Variants in MAPKAPK5 observed in about 807,000 individuals in gnomAD.
MAPKAPK5 encodes the protein MAP kinase-activated protein kinase 5.
Under a neutral mutation model 65.1 loss-of-function variants are expected in MAPKAPK5, and 30 were observed. The observed-to-expected ratio is 0.46, with a 90% CI of 0.34 to 0.63. MAPKAPK5 has a LOEUF of 0.63. Among genes scored for constraint, MAPKAPK5 ranks in the 20% least tolerant of loss-of-function variants. The pLI is 0.01. For synonymous variants in MAPKAPK5, 179 were observed against 204.6 expected, an observed-to-expected ratio of 0.87 and a Z score of 1.07; for missense variants, 433 against 581.4, an observed-to-expected ratio of 0.74 and a Z score of 2.63.
At chr12:111,862,665 C>G (rs1715452076) in intron 1 of MAPKAPK5, among the ~76,000 whole-genome samples, 1 of 152,046 alleles carries the variant, frequency 6.6e-6, no homozygotes, top group Non-Finnish European at 1.5e-5. Context: ...GTGCTCCAGC[C>G]TGGGCGACAG....
chr12:111,847,319 G>T (rs145605420), intron 1 of MAPKAPK5, among the ~76,000 whole-genome samples: 2,582 of 150,854 alleles, frequency 0.017, 85 homozygotes, highest in African/African-American at 0.058. Flanking sequence ...CTGTACTCCA[G>T]CCTGGGCGAC....
In MAPKAPK5 at chr12:111,878,408, ATTATTTAT is replaced by A. The variant is rs200069361; in HGVS notation, c.580-2016_580-2009del. ...GCACCATTTGTTGTTCTATTTATTT[ATTATTTAT>A]TTATTTATTTATTTATTTATTTTGA... On this transcript the variant is annotated intron_variant, in intron 7 of 13. Coordinates refer to ENST00000550735, the MANE Select transcript of MAPKAPK5 (RefSeq NM_003668.4). 0.055 allele frequency among the ~76,000 whole-genome samples: 8,252 copies of A among 150,242 alleles called. 1,239 individuals are homozygous for A. In the East Asian group the frequency reaches 0.61, roughly 11 times the overall value.
At chr12:111,857,200 C>T (rs2069270108) in intron 1 of MAPKAPK5, among the ~76,000 whole-genome samples, 1 of 149,366 alleles carries the variant, frequency 6.7e-6, no homozygotes, top group Non-Finnish European at 1.5e-5. Flanking sequence ...TTTACCTGTT[C>T]TAGTACTTTC....
At chr12:111,888,349 T>G in intron 10 of MAPKAPK5, 139 bp from the exon 11 acceptor site, 1 of 1,254,498 alleles carries the variant, frequency 8.0e-7, no homozygotes, top group Non-Finnish European at 1.1e-6. Context: ...CTTTGCCTTA[T>G]CAAAATATTT....
chr12:111,888,379 G>C (rs972118201), intron 10 of MAPKAPK5, 109 bp from the exon 11 acceptor site: 5 of 1,428,156 alleles, frequency 3.5e-6, no homozygotes, highest in Non-Finnish European at 4.7e-6. Context: ...CAGCATAAGA[G>C]TGAAATTACC....
rs1254402449 is a variant in MAPKAPK5, at chr12:111,893,737, CAG to C, written c.*679_*680del. The stretch of plus-strand genomic sequence containing the variant: ...TCTTTTTTTTTTTTTTTTTTTGAGA[CAG>C]AGTCTTGCTGTTGTAGTGGAGGCTG... On this transcript the variant is annotated 3_prime_UTR_variant, in exon 14 of 14. Transcript: ENST00000550735. 1 of 129,956 alleles carries C rather than the reference CAG, an allele frequency of 7.7e-6. No homozygotes were observed. The highest frequency in any genetic ancestry group is 2.9e-5 in the African/African-American group (1 of 34,584). 8.1% of individuals were successfully genotyped at this position (129,956 alleles called of 1,614,324 possible). A position where few individuals can be genotyped will look rare whatever the true frequency, so the allele number is the denominator to read the frequency against.
chr12:111,885,981 A>T lies in MAPKAPK5; in HGVS notation c.914A>T (p.Asn305Ile). The change falls in exon 10 of 14, where the codon AAT becomes ATT. Residue 305 changes from asparagine (N) to isoleucine (I), a missense_variant. This residue lies in a region of MAPKAPK5 where 169 missense variants were observed against 215.6 expected (regional missense o/e 0.78). Transcript: ENST00000550735. Reference sequence around the variant, plus strand: ...GGAGTGCTGGACCACCCCTGGCTCAATTCCACCGAGGCCCTGGATAATGTG... The same window carrying T: ...GGAGTGCTGGACCACCCCTGGCTCATTTCCACCGAGGCCCTGGATAATGTG... ...IEGVLDHPWL[N>I]STEALDNVLP... 6.2e-7 allele frequency: 1 copy of T among 1,614,008 alleles called. No individual in the cohort carries two copies. The highest frequency in any genetic ancestry group is 1.3e-5 in the African/African-American group (1 of 75,054).
intron 1 of MAPKAPK5, among the ~76,000 whole-genome samples, chr12:111,854,972 A>G (rs574841971): frequency 3.0e-4 from 46 of 152,150 alleles, no homozygotes; most frequent in Admixed American, 1.2e-3. Flanking sequence ...TTACAGGTCT[A>G]TTCAGGTTTT....
intron 2 of MAPKAPK5, among the ~76,000 whole-genome samples, 187 bp from the exon 3 acceptor site, chr12:111,865,967 AGC>A: frequency 6.6e-6 from 1 of 151,792 alleles, no homozygotes; most frequent in Admixed American, 6.6e-5. Flanking sequence ...CTGAGGCCTG[AGC>A]ATTGGCTGCT....
chr12:111,871,959 T>A (rs932309905), intron 7 of MAPKAPK5, among the ~76,000 whole-genome samples: 1 of 152,248 alleles, frequency 6.6e-6, no homozygotes, highest in Non-Finnish European at 1.5e-5. Context: ...TATGCTTCAT[T>A]TCTTTTGCTT....
chr12:111,873,246 T>C (rs935443974), intron 7 of MAPKAPK5, among the ~76,000 whole-genome samples: 1 of 152,188 alleles, frequency 6.6e-6, no homozygotes, highest in Admixed American at 6.5e-5. Context: ...GGTGTCAAGT[T>C]GTTGCAGCAT....
In MAPKAPK5 at chr12:111,899,858, C is replaced by T. The variant is rs539895316; in HGVS notation, c.*6797C>T. 16 of 453,988 alleles carry T rather than the reference C, an allele frequency of 3.5e-5. No individual in the cohort carries two copies. Among genetic ancestry groups the T allele is most frequent in the East Asian group, 2.8e-4 (4 of 14,328 alleles). 28.1% of individuals were successfully genotyped at this position (453,988 alleles called of 1,614,324 possible). ...TGAACATGTGTTATACACCATGGCA[C>T]ATCAAGCGTGAGTCTCCTGTGGTGT... is the stretch of plus-strand genomic sequence containing the variant. On this transcript the variant is annotated 3_prime_UTR_variant, in exon 14 of 14. Transcript: ENST00000550735.
At chr12:111,882,384 AAG>A (rs2070263732) in intron 8 of MAPKAPK5, among the ~76,000 whole-genome samples, 1 of 98,970 alleles carries the variant, frequency 1.0e-5, no homozygotes, top group African/African-American at 4.5e-5. Flanking sequence ...GTCTCAAAAA[AAG>A]AAAATACAGG....
chr12:111,893,203 T>C lies in MAPKAPK5; in HGVS notation c.*142T>C. 1.9e-6 allele frequency: 1 copy of C among 527,842 alleles called. No individual in the cohort carries two copies. The highest frequency in any genetic ancestry group is 3.2e-6 in the Non-Finnish European group (1 of 313,160). 32.7% of individuals were successfully genotyped at this position (527,842 alleles called of 1,614,324 possible). A position where few individuals can be genotyped will look rare whatever the true frequency, so the allele number is the denominator to read the frequency against. On this transcript the variant is annotated 3_prime_UTR_variant, in exon 14 of 14. Coordinates refer to ENST00000550735, the MANE Select transcript of MAPKAPK5 (RefSeq NM_003668.4). ...TATAGATTTAGGGTGCAGGACTTAA[T>C]AATAGTATAGTTATTGTTTGTTTTT...
chr12:111,853,693 C>G (rs911694666), intron 1 of MAPKAPK5, among the ~76,000 whole-genome samples: 14 of 152,094 alleles, frequency 9.2e-5, no homozygotes, highest in Admixed American at 1.3e-4. Flanking sequence ...TGCCACCACA[C>G]CTGGCTAATT....
intron 6 of MAPKAPK5, 140 bp downstream of exon 6, chr12:111,870,500 C>A: frequency 1.8e-6 from 1 of 564,416 alleles, no homozygotes; most frequent in Non-Finnish European, 3.2e-6. Context: ...TCAACTCGTT[C>A]CCTTGCTAGA....
At chr12:111,853,968 T>TG in intron 1 of MAPKAPK5, among the ~76,000 whole-genome samples, 1 of 152,222 alleles carries the variant, frequency 6.6e-6, no homozygotes, top group Non-Finnish European at 1.5e-5. Context: ...TTTTCAGATA[T>TG]TAAGCCAATC....
intron 13 of MAPKAPK5, among the ~76,000 whole-genome samples, chr12:111,891,731 T>C (rs1269121520): frequency 6.7e-6 from 1 of 149,818 alleles, no homozygotes; most frequent in Admixed American, 6.7e-5. Context: ...CGCTTGAACC[T>C]GGGAGGCGGA....
rs2068747566 is a variant in MAPKAPK5, at chr12:111,842,550, A to G, written c.-184A>G. 2 of 370,796 alleles carry G rather than the reference A, an allele frequency of 5.4e-6. No homozygotes were observed. Among genetic ancestry groups the G allele is most frequent in the South Asian group, 2.4e-4 (2 of 8,410 alleles). 23.0% of individuals were successfully genotyped at this position (370,796 alleles called of 1,614,324 possible). On this transcript the variant is annotated 5_prime_UTR_variant, in exon 1 of 14. The change abolishes the stop of an existing upstream ORF in the 5' untranslated region. Transcript: ENST00000550735. ...CCGCCGCTGCTGCTGCCGCCAGCCT[A>G]GAGCCGCCCGCCGAAGCAGAGCCGG...
Sources: gnomAD v4.1 joint callset for allele counts (sites outside exome capture counted in the v4.1 genomes callset) on GRCh38, gnomAD v4.1.1 for gene constraint, gnomAD v4.1.1 regional missense constraint, MANE v1.5 for transcripts, NCBI Gene and HGNC (gene_info 2026-07-23, HGNC 2026-07-21) for gene names.